PLS1: variants seen among roughly 807,000 people sequenced by gnomAD.
PLS1 encodes plastin-1.
A neutral mutation model predicts 73.7 loss-of-function variants in PLS1; 32 were observed. The ratio of observed to expected loss-of-function variants is 0.43; its 90% CI spans 0.33 to 0.58. The LOEUF (loss-of-function observed/expected upper bound fraction) is 0.58. Ranked by LOEUF, PLS1 falls within the 20% of genes least tolerant of loss-of-function variation. The pLI is 0.04. For synonymous variants in PLS1, 217 were observed against 261.3 expected (o/e 0.83, Z 1.63); for missense variants, 633 against 740.5 (o/e 0.85, Z 1.68).
intron 1 of PLS1, among the ~76,000 whole-genome samples, chr3:142,624,916 A>G (rs1470777202): frequency 6.7e-6 from 1 of 150,220 alleles, no homozygotes; most frequent in Non-Finnish European, 1.5e-5. Flanking sequence ...GAATCAACCA[A>G]TTGCTCAATT....
At chr3:142,626,984 GT>G in intron 1 of PLS1, among the ~76,000 whole-genome samples, 1 of 152,330 alleles carries the variant, frequency 6.6e-6, no homozygotes, top group African/African-American at 2.4e-5. Context: ...CCCTTGAACT[GT>G]TTGTGTCATG....
intron 1 of PLS1, among the ~76,000 whole-genome samples, chr3:142,610,848 C>T (rs1045840072): frequency 5.3e-5 from 8 of 152,204 alleles, no homozygotes; most frequent in African/African-American, 1.9e-4. Flanking sequence ...CACATTCATT[C>T]ATCAAAAAGC....
Position 142,678,026 on chromosome 3 carries a change from CTT to C in PLS1, c.498-4_498-3del, listed in dbSNP as rs775538529. 3 of 1,457,714 alleles carry C rather than the reference CTT, an allele frequency of 2.1e-6. No individual in the cohort carries two copies. In the Admixed American group the frequency reaches 6.4e-5, roughly 31 times the overall value. The allele number at this position is 1,457,714 out of a possible 1,614,324, so 90.3% of individuals were successfully genotyped here. ...TTAAACTAAATTATTCTCATTTTCT[CTT>C]TAGCAAAATGATCAACTTATCTGAA... On this transcript the variant is annotated splice_polypyrimidine_tract_variant and splice_region_variant and intron_variant, in intron 5 of 15. Coordinates refer to ENST00000457734, the MANE Select transcript of PLS1 (RefSeq NM_001145319.2).
rs1451108462 is a variant in PLS1, at chr3:142,708,245, TTTTA to T, written c.1630-3244_1630-3241del. 4.6e-5 allele frequency among the ~76,000 whole-genome samples: 7 copies of T among 152,252 alleles called. No individual in the cohort carries two copies. The East Asian group carries it at 1.2e-3, about 25-fold the overall frequency. On this transcript the variant is annotated intron_variant, in intron 14 of 15. Coordinates refer to ENST00000457734, the MANE Select transcript of PLS1 (RefSeq NM_001145319.2). ...CTGTTTTTCCAGATTTATTTGTTTA[TTTTA>T]TTTATTTATTTTTTTGAGACTGAGT...
chr3:142,647,098 T>G (rs1410843923), intron 1 of PLS1, among the ~76,000 whole-genome samples: 1 of 152,176 alleles, frequency 6.6e-6, no homozygotes, highest in Non-Finnish European at 1.5e-5. Flanking sequence ...TGTAGGTGTG[T>G]TTGGAGATGG....
intron 1 of PLS1, among the ~76,000 whole-genome samples, chr3:142,640,446 T>G (rs953953372): frequency 6.6e-6 from 1 of 152,184 alleles, no homozygotes; most frequent in Non-Finnish European, 1.5e-5. Flanking sequence ...GAAAGTACTG[T>G]GTGCAAAATG....
At chr3:142,601,167 C>G (rs900284631) in intron 1 of PLS1, among the ~76,000 whole-genome samples, 1 of 150,464 alleles carries the variant, frequency 6.6e-6, no homozygotes, top group Non-Finnish European at 1.5e-5. Flanking sequence ...CCTCGTGATC[C>G]GCCCGCCTTG....
intron 12 of PLS1, among the ~76,000 whole-genome samples, chr3:142,702,344 G>T (rs866291127): frequency 1.3e-5 from 2 of 152,252 alleles, no homozygotes; most frequent in South Asian, 4.2e-4. Flanking sequence ...TTGAACTTTG[G>T]GAATTTGGAT....
At chr3:142,622,808 C>T (rs919437215) in intron 1 of PLS1, among the ~76,000 whole-genome samples, 47 of 152,126 alleles carry the variant, frequency 3.1e-4, no homozygotes, top group African/African-American at 1.1e-3. Context: ...TGGATATTTG[C>T]TTGAAATTAG....
intron 1 of PLS1, among the ~76,000 whole-genome samples, chr3:142,609,583 T>C (rs2036082514): frequency 6.6e-6 from 1 of 152,242 alleles, no homozygotes; most frequent in African/African-American, 2.4e-5. Flanking sequence ...AAATGTCTTT[T>C]GCATCCCTGG....
rs557388824 is a variant in PLS1, at chr3:142,688,896, C to T, written c.982-722C>T. 4.0e-3 allele frequency among the ~76,000 whole-genome samples: 602 copies of T among 152,030 alleles called. 10 individuals carry two copies. The highest frequency in any genetic ancestry group is 0.014 in the African/African-American group (568 of 41,454). ...ATTTTAATTTTTAAAATATGTATTT[C>T]AACTTGTTTTTCATCAAGAAGAGCC... On this transcript the variant is annotated intron_variant, in intron 9 of 15. Coordinates refer to ENST00000457734, the MANE Select transcript of PLS1 (RefSeq NM_001145319.2).
chr3:142,598,135 C>T (rs1026993171), intron 1 of PLS1, among the ~76,000 whole-genome samples: 4 of 152,250 alleles, frequency 2.6e-5, no homozygotes, highest in African/African-American at 7.2e-5. Flanking sequence ...TCTTCTGAAC[C>T]CTATAGCACT....
At chr3:142,619,198 C>G (rs557250693) in intron 1 of PLS1, among the ~76,000 whole-genome samples, 4 of 152,286 alleles carry the variant, frequency 2.6e-5, no homozygotes, top group African/African-American at 9.6e-5. Flanking sequence ...CAACATTTAT[C>G]TCTGTGAGTA....
intron 8 of PLS1, among the ~76,000 whole-genome samples, chr3:142,685,429 G>T (rs868575244): frequency 8.5e-5 from 13 of 152,236 alleles, no homozygotes; most frequent in Non-Finnish European, 1.5e-4. Flanking sequence ...TCATTTTGTG[G>T]GTTGATGCAT....
At chr3:142,710,360 T>C (rs1017942087) in intron 14 of PLS1, among the ~76,000 whole-genome samples, 1 of 152,164 alleles carries the variant, frequency 6.6e-6, no homozygotes, top group Non-Finnish European at 1.5e-5. Context: ...GGTAATAGAA[T>C]AGCATTCCTC....
intron 1 of PLS1, among the ~76,000 whole-genome samples, chr3:142,614,072 C>G (rs1274787182): frequency 1.3e-5 from 2 of 152,116 alleles, no homozygotes; most frequent in African/African-American, 4.8e-5. Context: ...AAGAGGATTG[C>G]CTTTTTATTT....
intron 2 of PLS1, 64 bp downstream of exon 2, chr3:142,664,371 A>G: frequency 1.2e-6 from 1 of 815,834 alleles, no homozygotes; most frequent in Non-Finnish European, 2.0e-6. Flanking sequence ...TCAGGAATGG[A>G]AAAATACCTT....
At chr3:142,659,468 T>A (rs2037315254) in intron 1 of PLS1, among the ~76,000 whole-genome samples, 1 of 152,202 alleles carries the variant, frequency 6.6e-6, no homozygotes, top group South Asian at 2.1e-4. Context: ...GTAATGTGTA[T>A]CTTTAGACCA....
chr3:142,678,726 T>TA (rs1314541909), intron 6 of PLS1, among the ~76,000 whole-genome samples: 1 of 151,810 alleles, frequency 6.6e-6, no homozygotes, highest in Non-Finnish European at 1.5e-5. Flanking sequence ...ACTGCTGCAA[T>TA]AAACATACGT....
Sources: gnomAD v4.1 joint callset for allele counts (sites outside exome capture counted in the v4.1 genomes callset) on GRCh38, gnomAD v4.1.1 for gene constraint, MANE v1.5 for transcripts, NCBI Gene and HGNC (gene_info 2026-07-23, HGNC 2026-07-21) for gene names.